Variants in FAM193A observed in about 807,000 individuals in gnomAD.
FAM193A encodes the protein family with sequence similarity 193 member A.
FAM193A carries 22 observed loss-of-function variants against 126.5 expected under a neutral mutation model. The ratio of observed to expected loss-of-function variants is 0.17; its 90% confidence interval spans 0.12 to 0.25. The LOEUF is 0.25. FAM193A is among the 10% of genes least tolerant of loss of function. The pLI, the probability that FAM193A is intolerant of heterozygous loss-of-function variation, is 1.00. For missense variants in FAM193A, 1,675 were observed against 1,672.8 expected, an observed-to-expected ratio of 1.00 and a Z score of -0.02; for synonymous variants, 761 against 646.8, an observed-to-expected ratio of 1.18 and a Z score of -2.68.
At chr4:2,696,262 A>G (rs1216877014) in intron 17 of FAM193A, 101 bp from the exon 18 acceptor site, 4 of 745,456 alleles carry the variant, frequency 5.4e-6, no homozygotes, top group African/African-American at 3.5e-5. Context: ...ACAAATATAT[A>G]CTACTTGAGT....
chr4:2,556,593 G>A (rs571781702), intron 1 of FAM193A, among the ~76,000 whole-genome samples: 1 of 152,154 alleles, frequency 6.6e-6, no homozygotes, highest in Non-Finnish European at 1.5e-5. Flanking sequence ...GATGTGGGGG[G>A]ATCACTTGAG....
chr4:2,699,282 G>C (rs999310637), intron 18 of FAM193A, among the ~76,000 whole-genome samples: 1 of 152,142 alleles, frequency 6.6e-6, no homozygotes, highest in Non-Finnish European at 1.5e-5. Context: ...CTGTGGTATT[G>C]GTTACATCAT....
chr4:2,657,973 C>A, intron 8 of FAM193A, 93 bp downstream of exon 8: 1 of 882,420 alleles, frequency 1.1e-6, no homozygotes. Flanking sequence ...TTTGTTAGAA[C>A]AGCATTGGAG....
intron 1 of FAM193A, among the ~76,000 whole-genome samples, chr4:2,560,932 C>G (rs911038302): frequency 3.0e-4 from 46 of 152,298 alleles, no homozygotes; most frequent in African/African-American, 9.9e-4. Context: ...GGATTACAGG[C>G]ATGAGCTGCT....
chr4:2,709,263 A>G (rs1166361537), intron 19 of FAM193A, among the ~76,000 whole-genome samples: 1 of 152,186 alleles, frequency 6.6e-6, no homozygotes, highest in Non-Finnish European at 1.5e-5. Context: ...TCACTTGATT[A>G]TGGTATATCC....
At chr4:2,672,081 T>C (rs1471447031) in intron 12 of FAM193A, 40 bp from the exon 13 acceptor site, 8 of 1,600,070 alleles carry the variant, frequency 5.0e-6, no homozygotes, top group Non-Finnish European at 6.8e-6. Context: ...TACCATTTAT[T>C]GTTTCACTAA....
chr4:2,689,569 C>G lies in FAM193A; in HGVS notation c.2395C>G (p.Gln799Glu). The G allele has an allele frequency of 6.4e-7, 1 of 1,552,948 alleles. No homozygotes were observed. Among genetic ancestry groups the G allele is most frequent in the Non-Finnish European group, 8.6e-7 (1 of 1,158,786 alleles). ...NKHQVFNASL[Q>E]DHIYPSCFGN... ...GCATCAGGTATTCAATGCATCTCTT[C>G]AAGACCATATTTATCCGAGCTGTTT... The change falls in exon 14 of 21, where the codon CAA (glutamine) becomes GAA (glutamate). Residue 799 changes from glutamine (Q) to glutamate (E), a missense_variant. Coordinates refer to ENST00000637812, the MANE Select transcript of FAM193A (RefSeq NM_001366318.2).
intron 19 of FAM193A, among the ~76,000 whole-genome samples, chr4:2,710,063 T>A (rs1386285654): frequency 6.6e-6 from 1 of 152,166 alleles, no homozygotes; most frequent in Non-Finnish European, 1.5e-5. Flanking sequence ...TTGTGTATTT[T>A]TCCTTTCTCC....
At chr4:2,555,710 C>A (rs574409525) in intron 1 of FAM193A, among the ~76,000 whole-genome samples, 22 of 152,028 alleles carry the variant, frequency 1.4e-4, no homozygotes, top group African/African-American at 5.3e-4. Flanking sequence ...CTCTGCCTCC[C>A]GGGCTCACGC....
chr4:2,653,144 A>C (rs1450473191), intron 7 of FAM193A, among the ~76,000 whole-genome samples: 1 of 152,268 alleles, frequency 6.6e-6, no homozygotes, highest in Non-Finnish European at 1.5e-5. Context: ...GTAACTAAAC[A>C]CAAAAATGCC....
chr4:2,694,164 A>G (rs747948919), intron 16 of FAM193A, among the ~76,000 whole-genome samples: 3 of 152,202 alleles, frequency 2.0e-5, no homozygotes, highest in Non-Finnish European at 4.4e-5. Context: ...TACTCATTGT[A>G]TAAGTTGTAT....
upstream of FAM193A, among the ~76,000 whole-genome samples, chr4:2,535,456 C>CCCG (rs1736827712): frequency 1.3e-5 from 2 of 152,334 alleles, no homozygotes; most frequent in Admixed American, 6.5e-5. Flanking sequence ...CAATGCCAAG[C>CCCG]CCGCCGCCTC....
At chr4:2,602,392 TCTCCCAGGCTGGA>T (rs1323782669) in intron 2 of FAM193A, among the ~76,000 whole-genome samples, 30 of 150,562 alleles carry the variant, frequency 2.0e-4, no homozygotes, top group African/African-American at 7.1e-4. Context: ...TTCGCTGTTG[TCTCCCAGGCTGGA>T]GTGCAGTTGT....
intron 6 of FAM193A, among the ~76,000 whole-genome samples, chr4:2,646,201 G>A (rs1483549958): frequency 3.6e-5 from 4 of 111,664 alleles, no homozygotes; most frequent in Non-Finnish European, 6.7e-5. Context: ...ACAGATTCTC[G>A]CTCTGTTGCC....
chr4:2,637,569 G>A (rs1744211916), intron 5 of FAM193A, among the ~76,000 whole-genome samples: 1 of 152,046 alleles, frequency 6.6e-6, no homozygotes, highest in African/African-American at 2.4e-5. Flanking sequence ...AACCTTTTTT[G>A]TAGTGGGAAG....
chr4:2,593,625 A>G (rs1740690555), intron 1 of FAM193A, among the ~76,000 whole-genome samples: 1 of 152,214 alleles, frequency 6.6e-6, no homozygotes, highest in African/African-American at 2.4e-5. Context: ...TGGGCTCAGT[A>G]AATCCTGGAT....
At chr4:2,590,503 AAAC>A (rs869296739) in intron 1 of FAM193A, among the ~76,000 whole-genome samples, 23 of 104,498 alleles carry the variant, frequency 2.2e-4, no homozygotes, top group Admixed American at 6.5e-4. Context: ...AAACAAAAAA[AAAC>A]AAAAAAAAAA....
chr4:2,719,770 TCCTCCCTCCCTC>T (rs147495184), intron 20 of FAM193A, among the ~76,000 whole-genome samples: 49,074 of 127,178 alleles, frequency 0.39, 10,448 homozygotes, highest in Admixed American at 0.58. Flanking sequence ...CCTCCTTCCT[TCCTCCCTCCCTC>T]CCTCCCTCCC....
In FAM193A at chr4:2,732,140, G is replaced by C; in HGVS notation, c.*272G>C. 2.1e-6 allele frequency: 1 copy of C among 484,014 alleles called. No individual in the cohort carries two copies. Among genetic ancestry groups the C allele is most frequent in the Non-Finnish European group, 3.8e-6 (1 of 263,800 alleles). The allele number at this position is 484,014 out of a possible 1,614,324, so 30.0% of individuals were successfully genotyped here. ...CAAGTCCTCCCACCACCGCGGCCTC[G>C]GAGGCCTGGGCCGTGGCCAGATAGG... On this transcript the variant is annotated 3_prime_UTR_variant, in exon 21 of 21. Coordinates refer to ENST00000637812, the MANE Select transcript of FAM193A (RefSeq NM_001366318.2).
Sources: allele counts gnomAD v4.1 joint callset (sites outside exome capture counted in the v4.1 genomes callset), GRCh38; gene constraint gnomAD v4.1.1; transcripts MANE v1.5; gene names NCBI Gene and HGNC (gene_info 2026-07-23, HGNC 2026-07-21).